RNF130: variants seen among roughly 807,000 people sequenced by gnomAD.
RNF130 encodes the protein ring finger protein 130, also known as E3 ubiquitin-protein ligase RNF130.
In RNF130, 21 loss-of-function variants were observed where a neutral mutation model predicts 44.6. The observed-to-expected ratio is 0.47, with a 90% CI of 0.33 to 0.68. The LOEUF is 0.68. Among genes scored for constraint, RNF130 ranks in the 30% least tolerant of loss-of-function variants. The pLI is 0.02. For synonymous variants in RNF130, 214 were observed against 210.4 expected, an observed-to-expected ratio of 1.02 and a Z score of -0.15; for missense variants, 479 against 560.6, an observed-to-expected ratio of 0.85 and a Z score of 1.47.
chr5:179,968,023 C>T (rs888497559), intron 6 of RNF130, among the ~76,000 whole-genome samples: 2 of 152,202 alleles, frequency 1.3e-5, no homozygotes, highest in Non-Finnish European at 2.9e-5. Flanking sequence ...AGGCTGGGCG[C>T]GGTGGCTCAC....
At chr5:180,050,259 G>C (rs1265509421) in intron 1 of RNF130, among the ~76,000 whole-genome samples, 1 of 152,204 alleles carries the variant, frequency 6.6e-6, no homozygotes, top group Non-Finnish European at 1.5e-5. Flanking sequence ...TGGAGACCCA[G>C]CAGAGCCGAT....
chr5:180,030,579 C>T (rs1764110960), intron 2 of RNF130, among the ~76,000 whole-genome samples: 1 of 151,988 alleles, frequency 6.6e-6, no homozygotes, highest in African/African-American at 2.4e-5. Flanking sequence ...TGCTGTGTTG[C>T]CCAGGCTTAG....
intron 1 of RNF130, among the ~76,000 whole-genome samples, chr5:180,060,390 C>T (rs1019583803): frequency 3.3e-5 from 5 of 152,174 alleles, no homozygotes; most frequent in South Asian, 2.1e-4. Flanking sequence ...ATAGAGTATC[C>T]TTGTTTTTTC....
At chr5:180,017,394 C>T (rs1219387482) in intron 2 of RNF130, among the ~76,000 whole-genome samples, 1 of 152,032 alleles carries the variant, frequency 6.6e-6, no homozygotes, top group Non-Finnish European at 1.5e-5. Context: ...AAATGTTTTC[C>T]TCTTAATTAA....
Position 179,979,826 on chromosome 5 carries a change from A to C in RNF130, c.765+303T>G, listed in dbSNP as rs919618593. 3.9e-5 allele frequency among the ~76,000 whole-genome samples: 6 copies of C among 152,132 alleles called. No individual in the cohort carries two copies. In the East Asian group the frequency reaches 9.6e-4, roughly 24 times the overall value. ...GTATCTAGTGAAAAAATAAAACAAC[A>C]AAAGAGACATAGCAAAGTCCCAGGA... On this transcript the variant is annotated intron_variant, in intron 4 of 8. Coordinates refer to ENST00000521389, the MANE Select transcript of RNF130 (RefSeq NM_018434.6).
intron 2 of RNF130, among the ~76,000 whole-genome samples, chr5:180,022,384 ATGC>A (rs1763894319): frequency 1.3e-5 from 2 of 152,196 alleles, no homozygotes; most frequent in Non-Finnish European, 2.9e-5. Flanking sequence ...ATTCATTTTG[ATGC>A]TGAAATTCTA....
chr5:179,976,290 A>G (rs1639312611), intron 5 of RNF130, among the ~76,000 whole-genome samples: 1 of 152,232 alleles, frequency 6.6e-6, no homozygotes, highest in African/African-American at 2.4e-5. Flanking sequence ...CTGAGGGAAG[A>G]TCCCCTCATT....
At chr5:180,056,926 G>A (rs1001826763) in intron 1 of RNF130, among the ~76,000 whole-genome samples, 5 of 152,178 alleles carry the variant, frequency 3.3e-5, no homozygotes, top group East Asian at 1.9e-4. Flanking sequence ...AAGGCATACC[G>A]TGATTCCATG....
chr5:179,933,448 T>C (rs902128123), intron 7 of RNF130, among the ~76,000 whole-genome samples: 4 of 77,718 alleles, frequency 5.1e-5, no homozygotes, highest in African/African-American at 1.7e-4. Context: ...GCATATAAAA[T>C]TTGCCATCTC....
chr5:180,067,993 T>A (rs1765147256), intron 1 of RNF130, among the ~76,000 whole-genome samples: 1 of 152,234 alleles, frequency 6.6e-6, no homozygotes, highest in African/African-American at 2.4e-5. Context: ...TTTTATTGTA[T>A]CCCTAAGCAA....
At chr5:179,947,120 C>A (rs1762053690) in intron 7 of RNF130, among the ~76,000 whole-genome samples, 1 of 152,236 alleles carries the variant, frequency 6.6e-6, no homozygotes, top group Non-Finnish European at 1.5e-5. Context: ...AGAATCTTCT[C>A]ATCACTGACA....
chr5:179,950,127 T>C (rs939480147), downstream of RNF130, among the ~76,000 whole-genome samples: 8 of 152,132 alleles, frequency 5.3e-5, no homozygotes, highest in African/African-American at 1.9e-4. Flanking sequence ...CTTTTTTTTT[T>C]CTTGAGATAG....
rs1414768321 is a variant in RNF130 at position 179,966,000 on chromosome 5, G to T, written c.1150+806C>A. 2.6e-5 allele frequency among the ~76,000 whole-genome samples: 4 copies of T among 152,278 alleles called. No homozygotes were observed. The East Asian group carries it at 7.7e-4, about 29-fold the overall frequency. On this transcript the variant is annotated intron_variant, in intron 7 of 8. Coordinates refer to ENST00000521389, the MANE Select transcript of RNF130 (RefSeq NM_018434.6). ...GCAGCAGGTGCTGGGAAAGGCAACA[G>T]CAGAGCAGCAACCAGGAAGATGGGT...
intron 1 of RNF130, among the ~76,000 whole-genome samples, chr5:180,060,722 C>T (rs1193178439): frequency 6.6e-6 from 1 of 152,200 alleles, no homozygotes; most frequent in East Asian, 1.9e-4. Context: ...ACACCGCTTT[C>T]ATCACTTATC....
At chr5:179,995,166 C>G (rs1421272691) in intron 3 of RNF130, among the ~76,000 whole-genome samples, 1 of 152,048 alleles carries the variant, frequency 6.6e-6, no homozygotes, top group Non-Finnish European at 1.5e-5. Flanking sequence ...AAGGGCAAAC[C>G]CATTGTTAAA....
chr5:180,011,275 T>C (rs1327549638), intron 3 of RNF130, among the ~76,000 whole-genome samples: 1 of 152,202 alleles, frequency 6.6e-6, no homozygotes, highest in Admixed American at 6.5e-5. Context: ...ATAAAGGTCA[T>C]TATTGAGCCA....
exon 8 of RNF130, chr5:179,918,023 A>G (rs1761577045): frequency 6.6e-6 from 1 of 152,186 alleles, no homozygotes; most frequent in African/African-American, 2.4e-5. Flanking sequence ...ATAAAAATAA[A>G]AACCTGAAAC....
At chr5:179,982,046 C>T (rs1026473109) in intron 3 of RNF130, among the ~76,000 whole-genome samples, 2 of 152,028 alleles carry the variant, frequency 1.3e-5, no homozygotes, top group African/African-American at 4.8e-5. Flanking sequence ...TCTTTGTGCC[C>T]CTTCCTAATT....
At chr5:180,028,694 C>T (rs1764050927) in intron 2 of RNF130, among the ~76,000 whole-genome samples, 1 of 152,188 alleles carries the variant, frequency 6.6e-6, no homozygotes, top group African/African-American at 2.4e-5. Flanking sequence ...CAAACACTCA[C>T]TCGTACATCC....
Sources: gnomAD v4.1 joint callset for allele counts (sites outside exome capture counted in the v4.1 genomes callset) on GRCh38, gnomAD v4.1.1 for gene constraint, MANE v1.5 for transcripts, NCBI Gene and HGNC (gene_info 2026-07-23, HGNC 2026-07-21) for gene names.